PDE1A: variants seen among roughly 807,000 people sequenced by gnomAD.
The protein encoded by PDE1A is dual specificity calcium/calmodulin-dependent 3',5'-cyclic nucleotide phosphodiesterase 1A.
A neutral mutation model predicts 61.7 loss-of-function variants in PDE1A; 35 were observed. That is an observed-to-expected ratio of 0.57 (90% CI 0.43 to 0.75). The LOEUF (loss-of-function observed/expected upper bound fraction) is 0.75, where lower values mean the gene tolerates loss of function less well. PDE1A is among the 30% of genes least tolerant of loss of function. The pLI is 0.00. For missense variants in PDE1A, 597 were observed against 630.6 expected (o/e 0.95, Z 0.57); for synonymous variants, 232 against 213.2 (o/e 1.09, Z -0.77).
the PDE1A span, among the ~76,000 whole-genome samples, chr2:182,628,624 T>A: frequency 3.4e-3 from 514 of 152,288 alleles, 3 homozygotes; most frequent in Non-Finnish European, 5.2e-3. Context: ...AAATACGTAT[T>A]ACTAATGGTC....
At chr2:182,202,807 C>A (rs1479781327) in intron 8 of PDE1A, among the ~76,000 whole-genome samples, 2 of 152,130 alleles carry the variant, frequency 1.3e-5, no homozygotes, top group African/African-American at 4.8e-5. Context: ...AAATAAGGCA[C>A]CCCAGCAAAG....
chr2:182,600,435 T>C, the PDE1A span, among the ~76,000 whole-genome samples: 1 of 152,180 alleles, frequency 6.6e-6, no homozygotes, highest in African/African-American at 2.4e-5. Flanking sequence ...TTCACACTTG[T>C]GTAGCTGAAA....
intron 2 of PDE1A, among the ~76,000 whole-genome samples, chr2:182,499,181 T>G (rs1252374288): frequency 4.4e-5 from 5 of 114,058 alleles, no homozygotes; most frequent in Non-Finnish European, 6.7e-5. Context: ...TTGTTTTTTT[T>G]TTTTTTTTTT....
chr2:182,586,706 C>G, the PDE1A span, among the ~76,000 whole-genome samples: 2 of 152,142 alleles, frequency 1.3e-5, no homozygotes, highest in Non-Finnish European at 2.9e-5. Context: ...AAAACGTCTT[C>G]AGACATTGCT....
At chr2:182,587,729 G>A in the PDE1A span, among the ~76,000 whole-genome samples, 5 of 152,000 alleles carry the variant, frequency 3.3e-5, no homozygotes, top group Non-Finnish European at 1.5e-5. Flanking sequence ...AGTTATATTT[G>A]TCTAGAGTTC....
the PDE1A span, among the ~76,000 whole-genome samples, chr2:182,668,357 C>T: frequency 6.6e-6 from 1 of 152,150 alleles, no homozygotes; most frequent in South Asian, 2.1e-4. Flanking sequence ...AGGGCACTTA[C>T]AGATGAGTGT....
At chr2:182,300,498 G>T (rs902237276) in intron 1 of PDE1A, among the ~76,000 whole-genome samples, 3 of 152,128 alleles carry the variant, frequency 2.0e-5, no homozygotes, top group African/African-American at 7.2e-5. Context: ...GCAGAGTTTT[G>T]AGCAGTGTAT....
chr2:182,413,615 T>C (rs902621447), intron 1 of PDE1A, among the ~76,000 whole-genome samples: 3 of 152,206 alleles, frequency 2.0e-5, no homozygotes, highest in Admixed American at 2.0e-4. Context: ...GGCTAACCTG[T>C]TCCTCTAAGC....
At chr2:182,703,548 C>A in the PDE1A span, among the ~76,000 whole-genome samples, 2 of 152,072 alleles carry the variant, frequency 1.3e-5, no homozygotes, top group Admixed American at 1.3e-4. Flanking sequence ...GTTTTATAGT[C>A]CTGACCCTCC....
chr2:182,400,221 G>A (rs16823159), intron 1 of PDE1A, among the ~76,000 whole-genome samples: 1 of 152,046 alleles, frequency 6.6e-6, no homozygotes, highest in Non-Finnish European at 1.5e-5. Context: ...ATAAAAGAAG[G>A]TTCCATGTAC....
intron 1 of PDE1A, among the ~76,000 whole-genome samples, chr2:182,348,774 T>G (rs1266341993): frequency 6.6e-6 from 1 of 151,684 alleles, no homozygotes; most frequent in East Asian, 1.9e-4. Flanking sequence ...GACAGAGCTT[T>G]GGGCTACTAG....
At chr2:182,550,456 G>A in the PDE1A span, among the ~76,000 whole-genome samples, 1 of 152,122 alleles carries the variant, frequency 6.6e-6, no homozygotes, top group Non-Finnish European at 1.5e-5. Context: ...TTCCAGCCAA[G>A]CCAGACTCTT....
chr2:182,658,060 AAAAAAAAAAAAAC>A, the PDE1A span, among the ~76,000 whole-genome samples: 1,738 of 114,598 alleles, frequency 0.015, 23 homozygotes, highest in South Asian at 0.067. Context: ...AAAAAAAAAA[AAAAAAAAAAAAAC>A]AAAAAAACTT....
intron 1 of PDE1A, among the ~76,000 whole-genome samples, chr2:182,302,437 G>C (rs1451157732): frequency 6.6e-6 from 1 of 152,200 alleles, no homozygotes; most frequent in Non-Finnish European, 1.5e-5. Flanking sequence ...AATCTCTTAA[G>C]TGTGCAACAA....
chr2:182,176,179 G>A (rs1217154240), intron 13 of PDE1A, among the ~76,000 whole-genome samples: 8 of 148,156 alleles, frequency 5.4e-5, no homozygotes, highest in Non-Finnish European at 1.2e-4. Context: ...CTCTTTTTTG[G>A]TTCCATAGGA....
chr2:182,340,448 A>T (rs1406754604), intron 1 of PDE1A, among the ~76,000 whole-genome samples: 1 of 152,146 alleles, frequency 6.6e-6, no homozygotes, highest in Admixed American at 6.5e-5. Flanking sequence ...CATTAAACTA[A>T]GCCAAGGGCA....
At chr2:182,399,051 G>A (rs1380882144) in intron 1 of PDE1A, among the ~76,000 whole-genome samples, 1 of 151,956 alleles carries the variant, frequency 6.6e-6, no homozygotes, top group African/African-American at 2.4e-5. Context: ...CAAGGATGAA[G>A]TGGGCTGAAA....
At chr2:182,226,073 CATT>C (rs1210736198) in intron 6 of PDE1A, among the ~76,000 whole-genome samples, 1 of 149,386 alleles carries the variant, frequency 6.7e-6, no homozygotes, top group East Asian at 1.9e-4. Flanking sequence ...CCTAGAAACC[CATT>C]GTTTTATTAA....
At chr2:182,169,450 G>C (rs1025675705) in intron 13 of PDE1A, among the ~76,000 whole-genome samples, 1 of 152,026 alleles carries the variant, frequency 6.6e-6, no homozygotes, top group Non-Finnish European at 1.5e-5. Context: ...AGGCAGTATT[G>C]GCTAAAATTA....
Sources: gnomAD v4.1 joint callset for allele counts (sites outside exome capture counted in the v4.1 genomes callset) on GRCh38, gnomAD v4.1.1 for gene constraint, MANE v1.5 for transcripts, NCBI Gene and HGNC (gene_info 2026-07-23, HGNC 2026-07-21) for gene names.